The following RORA variants were observed in gnomAD, a reference collection of about 807,000 sequenced individuals.
The protein encoded by RORA is RAR related orphan receptor A.
Under a neutral mutation model 69.5 loss-of-function variants are expected in RORA, and 7 were observed. That is an observed-to-expected ratio of 0.10 (90% CI 0.06 to 0.19). The LOEUF is 0.19. RORA is among the 10% of genes least tolerant of loss of function. The pLI is 1.00. For synonymous variants in RORA, 261 were observed against 240.8 expected (o/e 1.08, Z -0.78); for missense variants, 457 against 663.0 (o/e 0.69, Z 3.41).
rs1342332893 is a variant in RORA, at chr15:60,614,935, A to G, written c.196+63722T>C. 7 of 1,614,054 alleles carry G rather than the reference A, an allele frequency of 4.3e-6. No individual in the cohort carries two copies. In the South Asian group the frequency reaches 7.7e-5, roughly 18 times the overall value. Reference sequence around the variant, plus strand: ...GAGCAGAAAAGAGAAGAACTCCCTTAAATTAATAAAGTTCTTGGCTGTGGC... The same window carrying G: ...GAGCAGAAAAGAGAAGAACTCCCTTGAATTAATAAAGTTCTTGGCTGTGGC... On this transcript the variant is annotated intron_variant, in intron 2 of 10. Coordinates refer to ENST00000335670, the MANE Select transcript of RORA (RefSeq NM_134261.3).
At chr15:60,856,940 A>C (rs982626372) in intron 1 of RORA, among the ~76,000 whole-genome samples, 1 of 152,210 alleles carries the variant, frequency 6.6e-6, no homozygotes, top group Non-Finnish European at 1.5e-5. Context: ...ATGAGGAATA[A>C]TGGGAGAATG....
In RORA at chr15:61,061,858, T is replaced by A. The variant is rs1476837252; in HGVS notation, c.166+167195A>T. On this transcript the variant is annotated intron_variant, in intron 1 of 10. Transcript: ENST00000335670. The surrounding 1 kb of genome is among the most constrained non-coding windows in gnomAD (Gnocchi z 4.4). ...CAGGTGGATCACTTGAGGTCAGGAG[T>A]TCGAGACCAGCCTGGCCAACATGGT... 6.6e-6 allele frequency among the ~76,000 whole-genome samples: 1 copy of A among 151,828 alleles called. No individual in the cohort carries two copies. The highest frequency in any genetic ancestry group is 1.5e-5 in the Non-Finnish European group (1 of 67,912).
chr15:60,590,904 A>C (rs1018969112), intron 2 of RORA, among the ~76,000 whole-genome samples: 2 of 152,184 alleles, frequency 1.3e-5, no homozygotes, highest in Non-Finnish European at 2.9e-5. Flanking sequence ...CTGTGGGCAC[A>C]TTATATAGAA....
rs1291582299 is a variant in RORA, at chr15:60,537,883, C to A, written c.197-6032G>T. Among the ~76,000 whole-genome samples the A allele has an allele frequency of 6.6e-6, 1 of 152,210 alleles. No individual in the cohort carries two copies. Among genetic ancestry groups the A allele is most frequent in the African/African-American group, 2.4e-5 (1 of 41,450 alleles). On this transcript the variant is annotated intron_variant, in intron 2 of 10. Transcript: ENST00000335670. The surrounding 1 kb of genome is among the most constrained non-coding windows in gnomAD (Gnocchi z 4.9). ...GCCCTACTCCTTCAGTAAGCAGTCT[C>A]GCAGTCATTTTTGGCAAAAATAGTA...
intron 1 of RORA, among the ~76,000 whole-genome samples, chr15:61,129,697 C>T (rs1215677430): frequency 3.9e-5 from 6 of 152,148 alleles, no homozygotes; most frequent in African/African-American, 7.2e-5. Flanking sequence ...TCAGAAATTC[C>T]GGGCACTCTG....
intron 1 of RORA, among the ~76,000 whole-genome samples, chr15:61,219,085 CTA>C (rs1261670199): frequency 2.3e-4 from 35 of 152,332 alleles, no homozygotes. Context: ...ACTATTTTCA[CTA>C]TGTTTTAGAA....
Position 60,684,464 on chromosome 15 carries a change from A to G in RORA, c.167-5778T>C, listed in dbSNP as rs567021286. Among the ~76,000 whole-genome samples the G allele has an allele frequency of 2.0e-5, 3 of 152,204 alleles. No homozygotes were observed. In the South Asian group the frequency reaches 6.2e-4, roughly 32 times the overall value. Reference sequence around the variant, plus strand: ...CCCACAGTCTCTACTAAAAATACAAAAAATTAGCCAAGTGTGGTGGTGGGT... The same window carrying G: ...CCCACAGTCTCTACTAAAAATACAAGAAATTAGCCAAGTGTGGTGGTGGGT... On this transcript the variant is annotated intron_variant, in intron 1 of 10. Coordinates refer to ENST00000335670, the MANE Select transcript of RORA (RefSeq NM_134261.3).
intron 1 of RORA, among the ~76,000 whole-genome samples, chr15:61,125,474 G>T (rs370157078): frequency 6.6e-6 from 1 of 152,154 alleles, no homozygotes; most frequent in African/African-American, 2.4e-5. Context: ...TGGGCACAAA[G>T]AGCCAACAAA....
intron 2 of RORA, among the ~76,000 whole-genome samples, chr15:60,586,843 A>G (rs2140503031): frequency 6.6e-6 from 1 of 152,220 alleles, no homozygotes; most frequent in East Asian, 1.9e-4. Flanking sequence ...TCCAGCAGTC[A>G]TTAAGGCCAT....
At chr15:60,801,510 A>G (rs1256536097) in intron 1 of RORA, among the ~76,000 whole-genome samples, 1 of 152,276 alleles carries the variant, frequency 6.6e-6, no homozygotes, top group Non-Finnish European at 1.5e-5. Flanking sequence ...TATTTAAAAC[A>G]TTCTGGAAAA....
intron 1 of RORA, among the ~76,000 whole-genome samples, chr15:61,045,423 C>T (rs946861927): frequency 1.3e-5 from 2 of 152,184 alleles, no homozygotes; most frequent in Non-Finnish European, 2.9e-5. Context: ...AACAGACCTC[C>T]GGCTGAATGT....
chr15:61,056,562 C>T (rs1297907735), intron 1 of RORA, among the ~76,000 whole-genome samples: 1 of 152,212 alleles, frequency 6.6e-6, no homozygotes, highest in African/African-American at 2.4e-5. Context: ...GTGATTCAAA[C>T]TGGCTTTTAT....
intron 1 of RORA, among the ~76,000 whole-genome samples, chr15:61,216,437 T>C (rs1448073502): frequency 6.6e-6 from 1 of 152,220 alleles, no homozygotes; most frequent in Non-Finnish European, 1.5e-5. Context: ...GTCACCATAG[T>C]GGAGCATTAA....
chr15:60,594,030 AT>A (rs1426625579), intron 2 of RORA, among the ~76,000 whole-genome samples: 1 of 152,226 alleles, frequency 6.6e-6, no homozygotes, highest in African/African-American at 2.4e-5. Context: ...CAGTCAAGCC[AT>A]GGCTTTATAA....
intron 2 of RORA, among the ~76,000 whole-genome samples, chr15:60,619,447 C>T (rs911869149): frequency 1.3e-5 from 2 of 152,166 alleles, no homozygotes; most frequent in Admixed American, 6.5e-5. Context: ...ATGCCTTTTA[C>T]GTCAGTTCAT....
intron 1 of RORA, among the ~76,000 whole-genome samples, chr15:61,029,369 T>TCCAC (rs1469571419): frequency 6.6e-6 from 1 of 151,986 alleles, no homozygotes; most frequent in African/African-American, 2.4e-5. Flanking sequence ...CAGGAGCAAA[T>TCCAC]CCACACAGGG....
chr15:60,555,561 G>A (rs994560884), intron 2 of RORA, among the ~76,000 whole-genome samples: 9 of 152,022 alleles, frequency 5.9e-5, no homozygotes, highest in African/African-American at 1.2e-4. Context: ...AAGAATTAGT[G>A]GCAATGTTAA....
chr15:60,584,034 G>A (rs1261710151), intron 2 of RORA, among the ~76,000 whole-genome samples: 2 of 152,314 alleles, frequency 1.3e-5, no homozygotes, highest in East Asian at 1.9e-4. Context: ...CCAGATGACT[G>A]TGAAGATCAA....
At chr15:61,116,838 C>G (rs1791214251) in intron 1 of RORA, among the ~76,000 whole-genome samples, 1 of 152,148 alleles carries the variant, frequency 6.6e-6, no homozygotes, top group African/African-American at 2.4e-5. Context: ...TCCTAGGTCC[C>G]TGCTAGCGCT....
Sources: allele counts gnomAD v4.1 joint callset (sites outside exome capture counted in the v4.1 genomes callset), GRCh38; gene constraint gnomAD v4.1.1; non-coding constraint Gnocchi (gnomAD v3.1); transcripts MANE v1.5; gene names NCBI Gene and HGNC (gene_info 2026-07-23, HGNC 2026-07-21).